FLNC: variants seen among roughly 807,000 people sequenced by gnomAD.
The protein encoded by FLNC is filamin-C.
Under a neutral mutation model 254.3 loss-of-function variants are expected in FLNC, and 91 were observed. The observed-to-expected ratio is 0.36, with a 90% CI of 0.30 to 0.43. FLNC has a LOEUF of 0.43. Among genes scored for constraint, FLNC ranks in the 20% least tolerant of loss-of-function variants. The pLI is 1.00. For synonymous variants in FLNC, 1,430 were observed against 1,577.2 expected (o/e 0.91, Z 2.21); for missense variants, 2,853 against 3,802.6 (o/e 0.75, Z 6.57).
At position 128,847,989 on chromosome 7, in the gene FLNC, C is replaced by T. The variant is rs2128937339; in HGVS notation, c.4501C>T (p.His1501Tyr). 6.2e-7 allele frequency: 1 copy of T among 1,610,418 alleles called. No homozygotes were observed. The highest frequency in any genetic ancestry group is 2.2e-5 in the East Asian group (1 of 44,666). ...GGTGCGGGACAATGGAGATGGCACCCACACTGTCCACTACACCCCAGCCAC... is the reference window on the plus strand; with the variant it reads ...GGTGCGGGACAATGGAGATGGCACCTACACTGTCCACTACACCCCAGCCAC... ...VEVRDNGDGT[H>Y]TVHYTPATDG... is the part of the protein sequence containing the mutation. The change falls in exon 26 of 48, where the codon CAC becomes TAC. Residue 1501 changes from histidine to tyrosine, a missense_variant. Coordinates refer to ENST00000325888, the MANE Select transcript of FLNC (RefSeq NM_001458.5).
Position 128,844,712 on chromosome 7 carries a change from T to C in FLNC, c.3247T>C (p.Phe1083Leu), listed in dbSNP as rs1354409050. 3.1e-6 allele frequency: 5 copies of C among 1,613,644 alleles called. No homozygotes were observed. The highest frequency in any genetic ancestry group is 4.2e-6 in the Non-Finnish European group (5 of 1,180,018). The change falls in exon 21 of 48, where the codon TTC (phenylalanine) becomes CTC (leucine). Residue 1083 changes from phenylalanine (F) to leucine (L), a missense_variant. Phe to Leu is a conservative substitution (Grantham distance 22, BLOSUM62 0). This residue lies in a region of FLNC where 1,573 missense variants were observed against 1,883.5 expected (regional missense o/e 0.84). Coordinates refer to ENST00000325888, the MANE Select transcript of FLNC (RefSeq NM_001458.5). ...KGGLVGTPAP[F>L]SIDTKGAGTG... Reference sequence around the variant, plus strand: ...TGGACTGGTAGGCACCCCCGCGCCATTCTCCATCGACACCAAGGGGGCTGG... The same window carrying C: ...TGGACTGGTAGGCACCCCCGCGCCACTCTCCATCGACACCAAGGGGGCTGG...
intron 20 of FLNC, 87 bp downstream of exon 20, chr7:128,844,353 T>A: frequency 6.9e-7 from 1 of 1,459,352 alleles, no homozygotes; most frequent in East Asian, 2.4e-5. Flanking sequence ...CCAGAGGGAC[T>A]TATGTGCCTG....
intron 37 of FLNC, 52 bp downstream of exon 37, chr7:128,853,083 C>T (rs1171400966): frequency 1.3e-6 from 2 of 1,534,344 alleles, no homozygotes; most frequent in African/African-American, 1.4e-5. Flanking sequence ...CCCACAGGCA[C>T]TTGTCCTCGT....
rs1225230830 is a variant in FLNC, at chr7:128,840,835, C to T, written c.1678C>T (p.Pro560Ser). ...GACACCAGCTCCCTCTCTGCCCAGC[C>T]CCTTTGAGGTACAGGTGAGCCCAGA... ...TWGGYAIPRSPFEVQVSPEAG... is the reference protein window; with the variant it reads ...TWGGYAIPRSSFEVQVSPEAG... Residue 560 changes from proline (P) to serine (S), a missense_variant and splice_region_variant, in exon 11 of 48, where the codon CCC (proline) becomes TCC (serine). By Grantham distance (74) the Pro-to-Ser change is moderately conservative. This residue lies in a region of FLNC where 1,573 missense variants were observed against 1,883.5 expected (regional missense o/e 0.84). Transcript: ENST00000325888. 1.9e-6 allele frequency: 3 copies of T among 1,613,820 alleles called. No homozygotes were observed. The highest frequency in any genetic ancestry group is 2.5e-6 in the Non-Finnish European group (3 of 1,179,922).
At chr7:128,834,321 C>CCCCCCCCCTCCG (rs1338939500) in intron 1 of FLNC, among the ~76,000 whole-genome samples, 1 of 146,922 alleles carries the variant, frequency 6.8e-6, no homozygotes, top group Admixed American at 6.6e-5. Context: ...GCCCCCCCCC[C>CCCCCCCCCTCCG]CCAAATCTTG....
Position 128,830,580 on chromosome 7 carries a change from G to GC in FLNC, c.-53dup. The GC allele has an allele frequency of 6.8e-7, 1 of 1,480,590 alleles. No homozygotes were observed. The highest frequency in any genetic ancestry group is 9.4e-7 in the Non-Finnish European group (1 of 1,069,450). 91.7% of individuals were successfully genotyped at this position (1,480,590 alleles called of 1,614,324 possible). ...GGTCGCGCCCCAACAGCGCCCGACA[G>GC]CCCCCGATAGCCCAAACCGCGGCCC... On this transcript the variant is annotated 5_prime_UTR_variant, in exon 1 of 48. Coordinates refer to ENST00000325888, the MANE Select transcript of FLNC (RefSeq NM_001458.5).
intron 1 of FLNC, among the ~76,000 whole-genome samples, chr7:128,831,557 A>G (rs1807893171): frequency 6.6e-6 from 1 of 152,136 alleles, no homozygotes; most frequent in Non-Finnish European, 1.5e-5. Context: ...GGGGGCCAGG[A>G]CAGGCAGGGC....
At chr7:128,839,399 C>T (rs978567906) in intron 8 of FLNC, among the ~76,000 whole-genome samples, 4 of 152,168 alleles carry the variant, frequency 2.6e-5, no homozygotes, top group East Asian at 1.9e-4. Context: ...TTGGGCAGTG[C>T]CATCGCCTAT....
At chr7:128,849,116 A>AAC in intron 28 of FLNC, 65 bp from the exon 29 acceptor site, 1 of 1,489,064 alleles carries the variant, frequency 6.7e-7, no homozygotes. Context: ...TCCCTCCCTC[A>AAC]CCCCCGCCCA....
At position 128,835,238 on chromosome 7, in the gene FLNC, C is replaced by T; in HGVS notation, c.353-88C>T. The T allele has an allele frequency of 1.3e-6, 2 of 1,587,000 alleles. No homozygotes were observed. Among genetic ancestry groups the T allele is most frequent in the Admixed American group, 3.4e-5 (2 of 59,660 alleles). ...TAGAGGCCTGACCCCAGAGCTCTGG[C>T]CCGAGGAGCTGCGCAGGTGAGGGAG... On this transcript the variant is annotated intron_variant, in intron 1 of 47. Coordinates refer to ENST00000325888, the MANE Select transcript of FLNC (RefSeq NM_001458.5). The surrounding 1 kb of genome is among the most constrained non-coding windows in gnomAD (Gnocchi z 5.3).
intron 8 of FLNC, among the ~76,000 whole-genome samples, 153 bp downstream of exon 8, chr7:128,838,956 C>T (rs1808218692): frequency 6.6e-6 from 1 of 152,192 alleles, no homozygotes; most frequent in Admixed American, 6.5e-5. Flanking sequence ...AAGAGCACAG[C>T]TGGGAGGCCA....
At position 128,844,953 on chromosome 7, in the gene FLNC, C is replaced by G; in HGVS notation, c.3488C>G (p.Pro1163Arg). ...FDPSKVRASGPGLERGKVGEA... is the reference protein window; with the variant it reads ...FDPSKVRASGRGLERGKVGEA... ...CCGAGCAAGGTGCGGGCCAGTGGAC[C>G]GGGCCTGGAGCGCGGCAAGGTCGGT... Residue 1163 changes from proline (P) to arginine (R), a missense_variant, in exon 21 of 48, where the codon CCG (proline) becomes CGG (arginine). Around this residue, in one of 10 missense-constraint regions of FLNC, gnomAD observed 1,573 missense variants for 1,883.5 expected, o/e 0.84. Coordinates refer to ENST00000325888, the MANE Select transcript of FLNC (RefSeq NM_001458.5). 6.2e-7 allele frequency: 1 copy of G among 1,613,868 alleles called. No individual in the cohort carries two copies. The highest frequency in any genetic ancestry group is 8.5e-7 in the Non-Finnish European group (1 of 1,180,038).
chr7:128,843,313 C>T lies in FLNC; in HGVS notation c.2635C>T (p.Arg879Cys), dbSNP rs374983276. 272 of 1,612,800 alleles carry T rather than the reference C, an allele frequency of 1.7e-4. No individual in the cohort carries two copies. Among genetic ancestry groups the T allele is most frequent in the Non-Finnish European group, 2.1e-4 (246 of 1,179,466 alleles). The change falls in exon 17 of 48, where the codon CGC becomes TGC. Residue 879 changes from arginine to cysteine, a missense_variant. Physicochemically the swap from Arg to Cys is radical, Grantham distance 180. Coordinates refer to ENST00000325888, the MANE Select transcript of FLNC (RefSeq NM_001458.5). ...CAAGGCCGAGGGCCCTGGGCTGAAT[C>T]GCACAGGTGAGTGTCTGGGCAGGGG... ...KVKAEGPGLN[R>C]TGVEVGKPTH...
rs1004763544 is a variant in FLNC, at chr7:128,830,512, A to G, written c.-126A>G. 1 of 797,156 alleles carries G rather than the reference A, an allele frequency of 1.3e-6. No homozygotes were observed. The highest frequency in any genetic ancestry group is 1.7e-5 in the African/African-American group (1 of 57,516). 49.4% of individuals were successfully genotyped at this position (797,156 alleles called of 1,614,324 possible). ...GCCGAGCCCCGCCAGCCCCGGCGCG[A>G]GAGAAGTTGGAGAGGAGAGCAGCGC... On this transcript the variant is annotated 5_prime_UTR_variant, in exon 1 of 48. Transcript: ENST00000325888.
At chr7:128,831,120 G>A in intron 1 of FLNC, 131 bp downstream of exon 1, 1 of 823,882 alleles carries the variant, frequency 1.2e-6, no homozygotes, top group South Asian at 1.8e-5. Context: ...ATAGAGAGAA[G>A]ACCCTGGCCC....
At position 128,846,469 on chromosome 7, in the gene FLNC, C is replaced by T. The variant is rs1350861077; in HGVS notation, c.4127+6C>T. 1 of 1,600,656 alleles carries T rather than the reference C, an allele frequency of 6.2e-7. No homozygotes were observed. Among genetic ancestry groups the T allele is most frequent in the Non-Finnish European group, 8.5e-7 (1 of 1,179,868 alleles). ...CGATTCACTGTGGAGACCAGGTATC[C>T]TCCCCCTTTGCTAGCCTAAATCTGT... On this transcript the variant is annotated splice_donor_region_variant and intron_variant, in intron 23 of 47. Coordinates refer to ENST00000325888, the MANE Select transcript of FLNC (RefSeq NM_001458.5).
rs745490763 is a variant in FLNC at position 128,855,235 on chromosome 7, A to G, written c.7172A>G (p.His2391Arg). 6.2e-7 allele frequency: 1 copy of G among 1,613,672 alleles called. No homozygotes were observed. Among genetic ancestry groups the G allele is most frequent in the South Asian group, 1.1e-5 (1 of 91,054 alleles). ...GTCTCCATCAAGTTCAATGATGAGCACATCCCAGACAGCCCCTTTGTGGTG... is the reference window on the plus strand; with the variant it reads ...GTCTCCATCAAGTTCAATGATGAGCGCATCCCAGACAGCCCCTTTGTGGTG... The part of the protein sequence containing the change: ...YEVSIKFNDE[H>R]IPDSPFVVPV... Residue 2391 changes from histidine (H) to arginine (R), a missense_variant, in exon 43 of 48, where the codon CAC (histidine) becomes CGC (arginine). Around this residue, in one of 10 missense-constraint regions of FLNC, gnomAD observed 551 missense variants for 835.0 expected, o/e 0.66. Coordinates refer to ENST00000325888, the MANE Select transcript of FLNC (RefSeq NM_001458.5).
rs181415712 is a variant in FLNC at position 128,855,824 on chromosome 7, C to T, written c.7251+510C>T. ...GTGTGTTCCTTTCATTCTGTCACAG[C>T]GGACATGTGCAAGGAAGGCTTTCAG... is the stretch of plus-strand genomic sequence containing the variant. On this transcript the variant is annotated intron_variant, in intron 43 of 47. Transcript: ENST00000325888. 8.5e-5 allele frequency among the ~76,000 whole-genome samples: 13 copies of T among 152,302 alleles called. No homozygotes were observed. The East Asian group carries it at 1.7e-3, about 20-fold the overall frequency.
At position 128,840,022 on chromosome 7, in the gene FLNC, G is replaced by A. The variant is rs752476855; in HGVS notation, c.1412-1G>A. ...CAACCTCCTTTCTCTTCCTCCCCTA[G>A]CCTGTAACCCCAACGCCTGCCGCGC... is the stretch of plus-strand genomic sequence containing the variant. On this transcript the variant is annotated splice_acceptor_variant, in intron 8 of 47. Transcript: ENST00000325888. LOFTEE classifies it high-confidence loss of function. The A allele has an allele frequency of 1.2e-6, 2 of 1,613,146 alleles. No homozygotes were observed. The highest frequency in any genetic ancestry group is 1.1e-5 in the South Asian group (1 of 91,088).
Sources: gnomAD v4.1 joint callset for allele counts (sites outside exome capture counted in the v4.1 genomes callset) on GRCh38, gnomAD v4.1.1 for gene constraint, gnomAD v4.1.1 regional missense constraint, Gnocchi (gnomAD v3.1) non-coding constraint, MANE v1.5 for transcripts, NCBI Gene and HGNC (gene_info 2026-07-23, HGNC 2026-07-21) for gene names.